EEF1D: variants seen among roughly 807,000 people sequenced by gnomAD.
EEF1D encodes eukaryotic translation elongation factor 1 delta, also known as elongation factor 1-delta.
Under a neutral mutation model 63.9 loss-of-function variants are expected in EEF1D, and 47 were observed. The ratio of observed to expected loss-of-function variants is 0.74; its 90% CI spans 0.58 to 0.94. The LOEUF is 0.94. Ranked by LOEUF, EEF1D falls within the 40% of genes least tolerant of loss-of-function variation. The probability of loss-of-function intolerance (pLI) is 0.00; values close to 1 mark genes in which losing one functional copy is unlikely to be tolerated. For synonymous variants in EEF1D, 412 were observed against 386.1 expected (o/e 1.07, Z -0.79); for missense variants, 907 against 899.0 (o/e 1.01, Z -0.11).
chr8:143,584,613 C>T (rs1826202939), intron 5 of EEF1D, among the ~76,000 whole-genome samples: 1 of 152,054 alleles, frequency 6.6e-6, no homozygotes, highest in Non-Finnish European at 1.5e-5. Flanking sequence ...CTGTCTTGAG[C>T]ACCCTGTTGG....
chr8:143,596,987 G>A (rs760952480), intron 1 of EEF1D: 1 of 152,284 alleles, frequency 6.6e-6, no homozygotes, highest in Non-Finnish European at 1.5e-5. Flanking sequence ...AGGTCTGCAG[G>A]CCAGAGAAAC....
intron 5 of EEF1D, chr8:143,583,522 T>C (rs1052430486): frequency 2.0e-5 from 3 of 152,274 alleles, no homozygotes; most frequent in Admixed American, 6.5e-5. Context: ...CTTAATCTCA[T>C]GTCTGCCTAG....
Position 143,586,834 on chromosome 8 carries a change from G to C in EEF1D, c.1110C>G (p.Asn370Lys). 1 of 1,614,080 alleles carries C rather than the reference G, an allele frequency of 6.2e-7. No homozygotes were observed. The highest frequency in any genetic ancestry group is 8.5e-7 in the Non-Finnish European group (1 of 1,179,912). The change falls in exon 4 of 10, where the codon AAC becomes AAG. Residue 370 changes from asparagine (N) to lysine (K), a missense_variant. Coordinates refer to ENST00000618139, the MANE Select transcript of EEF1D (RefSeq NM_001130053.5). ...SLRPNRKMAT[N>K]FLAHEKIWFD... ...ACCAGATCTTCTCATGTGCTAGGAA[G>C]TTTGTAGCCATTTTTCTGCTGGGAG...
At chr8:143,581,491 G>A (rs2123758) in intron 5 of EEF1D, 163 bp from the exon 6 acceptor site, 333,478 of 625,964 alleles carry the variant, frequency 0.53, 95,083 homozygotes, top group Non-Finnish European at 0.62. Flanking sequence ...CAGAGGTGGC[G>A]GCCACCACAG....
At chr8:143,588,905 G>GAGGA in intron 3 of EEF1D, 86 bp downstream of exon 3, 1 of 1,484,378 alleles carries the variant, frequency 6.7e-7, no homozygotes, top group South Asian at 1.3e-5. Context: ...GTGGGCAGGG[G>GAGGA]AGGAAGCTGG....
Position 143,590,587 on chromosome 8 carries a change from G to A in EEF1D, c.1-506C>T, listed in dbSNP as rs957573592. The A allele has an allele frequency of 3.8e-6, 4 of 1,057,394 alleles. No homozygotes were observed. In the African/African-American group the frequency reaches 5.0e-5, roughly 13 times the overall value. 65.5% of individuals were successfully genotyped at this position (1,057,394 alleles called of 1,614,324 possible). ...CCTGGCCACACCACTGCCACACCCA[G>A]AGCACCCTCAAAGTTCTTACAAAAG... is the stretch of plus-strand genomic sequence containing the variant. On this transcript the variant is annotated intron_variant, in intron 2 of 9. Coordinates refer to ENST00000618139, the MANE Select transcript of EEF1D (RefSeq NM_001130053.5).
chr8:143,590,802 G>A (rs1827817811), intron 2 of EEF1D: 1 of 153,620 alleles, frequency 6.5e-6, no homozygotes. Flanking sequence ...AGCTCCTAGG[G>A]AGGCTGAGGC....
chr8:143,592,098 G>C, intron 2 of EEF1D: 1 of 985,536 alleles, frequency 1.0e-6, no homozygotes, highest in East Asian at 1.1e-4. Context: ...CCAAGGCCAG[G>C]CTGATGGGCA....
At position 143,580,696 on chromosome 8, in the gene EEF1D, G is replaced by A. The variant is rs781746137; in HGVS notation, c.1520C>T (p.Pro507Leu). 2 of 1,613,646 alleles carry A rather than the reference G, an allele frequency of 1.2e-6. No homozygotes were observed. The highest frequency in any genetic ancestry group is 1.1e-5 in the South Asian group (1 of 91,078). Residue 507 changes from proline (P) to leucine (L), a missense_variant, in exon 8 of 10, where the codon CCA becomes CTA. Physicochemically the swap from Pro to Leu is moderately conservative, Grantham distance 98. Coordinates refer to ENST00000618139, the MANE Select transcript of EEF1D (RefSeq NM_001130053.5). ...HVSPMRQVEP[P>L]AKKPATPAED... Reference sequence around the variant, plus strand: ...TGCTGGTGTGGCTGGCTTCTTGGCTGGGGGCTCCACTTGGCGCATGGGAGA... The same window carrying A: ...TGCTGGTGTGGCTGGCTTCTTGGCTAGGGGCTCCACTTGGCGCATGGGAGA...
At chr8:143,585,847 G>A (rs1430215202) in intron 5 of EEF1D, among the ~76,000 whole-genome samples, 5 of 152,216 alleles carry the variant, frequency 3.3e-5, no homozygotes, top group Non-Finnish European at 5.9e-5. Flanking sequence ...GATCTAAGAG[G>A]GAATGTGGGA....
intron 5 of EEF1D, among the ~76,000 whole-genome samples, chr8:143,584,587 A>G (rs1457679661): frequency 3.3e-5 from 5 of 152,046 alleles, no homozygotes; most frequent in Non-Finnish European, 2.9e-5. Flanking sequence ...ACCCCCTCCA[A>G]AAGAAAAACC....
rs758852438 is a variant in EEF1D at position 143,589,514 on chromosome 8, C to T, written c.568G>A (p.Gly190Ser). 4 of 1,514,398 alleles carry T rather than the reference C, an allele frequency of 2.6e-6. No individual in the cohort carries two copies. The highest frequency in any genetic ancestry group is 3.5e-6 in the Non-Finnish European group (4 of 1,129,564). 93.8% of individuals were successfully genotyped at this position (1,514,398 alleles called of 1,614,324 possible). A position where few individuals can be genotyped will look rare whatever the true frequency, so the allele number is the denominator to read the frequency against. Residue 190 changes from glycine (G) to serine (S), a missense_variant, in exon 3 of 10, where the codon GGC (glycine) becomes AGC (serine). Transcript: ENST00000618139. ...WSQALLLAPDGSRRQGTPNTG... is the reference protein window; with the variant it reads ...WSQALLLAPDSSRRQGTPNTG... ...TTGGGAGTCCCCTGCCTGCGGCTGC[C>T]GTCGGGGGCCAGCAACAGGGCCTGA...
intron 1 of EEF1D, chr8:143,593,791 C>T (rs879571751): frequency 6.0e-5 from 56 of 938,642 alleles, no homozygotes; most frequent in Non-Finnish European, 6.4e-5. Context: ...CAGAGAGCCT[C>T]CCAGGACAGC....
rs548525158 is a variant in EEF1D, at chr8:143,593,483, G to A, written c.-14-823C>T. On this transcript the variant is annotated intron_variant, in intron 1 of 9. Transcript: ENST00000618139. ...GCCACCTCCTACTGCTGATCAACCCGAGAGCCCTGGCTGGGATCCGTCTTC... is the reference window on the plus strand; with the variant it reads ...GCCACCTCCTACTGCTGATCAACCCAAGAGCCCTGGCTGGGATCCGTCTTC... 5.3e-5 allele frequency among the ~76,000 whole-genome samples: 8 copies of A among 152,290 alleles called. No homozygotes were observed. The East Asian group carries it at 1.4e-3, about 26-fold the overall frequency.
At position 143,597,374 on chromosome 8, in the gene EEF1D, G is replaced by A. The variant is rs1342325616; in HGVS notation, c.-41C>T. On this transcript the variant is annotated 5_prime_UTR_variant, in exon 1 of 10. Coordinates refer to ENST00000618139, the MANE Select transcript of EEF1D (RefSeq NM_001130053.5). ...CGCCAGCCAAGGACGCGGCGACCAA[G>A]GAGGAGGAATCGGCGGACGCGGGAA... 1 of 152,134 alleles carries A rather than the reference G, an allele frequency of 6.6e-6. No individual in the cohort carries two copies. The highest frequency in any genetic ancestry group is 2.4e-5 in the African/African-American group (1 of 41,432). 9.4% of individuals were successfully genotyped at this position (152,134 alleles called of 1,614,324 possible).
Position 143,580,570 on chromosome 8 carries a change from G to A in EEF1D, c.1646C>T (p.Ala549Val), listed in dbSNP as rs752828884. Residue 549 changes from alanine to valine, a missense_variant, in exon 8 of 10, where the codon GCG becomes GTG. By Grantham distance (64) the Ala-to-Val change is moderately conservative (BLOSUM62 0). Transcript: ENST00000618139. ...QLREERLRQYAEKKAKKPALV... is the reference protein window; with the variant it reads ...QLREERLRQYVEKKAKKPALV... Reference sequence around the variant, plus strand: ...TGCAGGCTTCTTGGCCTTCTTCTCCGCGTACTGCCGTAGCCGCTCCTCCCG... The same window carrying A: ...TGCAGGCTTCTTGGCCTTCTTCTCCACGTACTGCCGTAGCCGCTCCTCCCG... The A allele has an allele frequency of 4.3e-5, 69 of 1,613,244 alleles. No homozygotes were observed. The highest frequency in any genetic ancestry group is 5.6e-5 in the Non-Finnish European group (66 of 1,179,872).
chr8:143,586,483 C>T (rs953815568), intron 4 of EEF1D, among the ~76,000 whole-genome samples, 193 bp from the exon 5 acceptor site: 6 of 152,242 alleles, frequency 3.9e-5, no homozygotes, highest in South Asian at 2.1e-4. Flanking sequence ...CCCATGTCTG[C>T]GGGGGAAGGA....
intron 1 of EEF1D, 55 bp from the exon 2 acceptor site, chr8:143,592,715 C>T (rs1323814827): frequency 1.0e-6 from 1 of 985,686 alleles, no homozygotes; most frequent in Non-Finnish European, 1.2e-6. Flanking sequence ...AAAGACTAAC[C>T]GGGTCAGACA....
chr8:143,592,548 C>A, intron 2 of EEF1D, 99 bp downstream of exon 2: 2 of 952,612 alleles, frequency 2.1e-6, no homozygotes, highest in South Asian at 4.8e-5. Context: ...CAGACTGGGC[C>A]ATGCGCAGGT....
Sources: gnomAD v4.1 joint callset for allele counts (sites outside exome capture counted in the v4.1 genomes callset) on GRCh38, gnomAD v4.1.1 for gene constraint, MANE v1.5 for transcripts, NCBI Gene and HGNC (gene_info 2026-07-23, HGNC 2026-07-21) for gene names.